The following COL5A2 variants were observed in gnomAD, a reference collection of about 807,000 sequenced individuals.
COL5A2 encodes the protein collagen type V alpha 2 chain.
COL5A2 carries 23 observed loss-of-function variants against 208.2 expected under a neutral mutation model. The observed-to-expected ratio is 0.11, with a 90% CI of 0.08 to 0.16. The LOEUF (loss-of-function observed/expected upper bound fraction) is 0.16. Ranked by LOEUF, COL5A2 falls within the 10% of genes least tolerant of loss-of-function variation. The probability of loss-of-function intolerance (pLI) is 1.00; values close to 1 mark genes in which losing one functional copy is unlikely to be tolerated. For synonymous variants in COL5A2, 625 were observed against 628.5 expected (o/e 0.99, Z 0.08); for missense variants, 1,590 against 1,956.4 (o/e 0.81, Z 3.53).
chr2:189,259,426 A>C, the COL5A2 span, among the ~76,000 whole-genome samples: 16 of 152,222 alleles, frequency 1.1e-4, no homozygotes, highest in Non-Finnish European at 1.8e-4. Flanking sequence ...TTTCCAAGAC[A>C]GCCTCAATTT....
the COL5A2 span, among the ~76,000 whole-genome samples, chr2:189,430,150 G>C: frequency 2.6e-5 from 4 of 152,062 alleles, no homozygotes; most frequent in African/African-American, 9.7e-5. Flanking sequence ...CAATTCTCCT[G>C]CCCAAGAATG....
rs188546088 is a variant in COL5A2, at chr2:189,047,936, C to T, written c.3201+273G>A. Among the ~76,000 whole-genome samples the T allele has an allele frequency of 6.6e-5, 10 of 152,296 alleles. No homozygotes were observed. The South Asian group carries it at 1.7e-3, about 25-fold the overall frequency. On this transcript the variant is annotated intron_variant, in intron 45 of 53. Coordinates refer to ENST00000374866, the MANE Select transcript of COL5A2 (RefSeq NM_000393.5). ...AATGAGTTTAAAATTTAGAACACTT[C>T]ATATATATCCTCATCCAAAGCCTTT...
chr2:189,039,528 C>T lies in COL5A2; in HGVS notation c.3669G>A (p.Pro1223=), dbSNP rs760353505. 22 of 1,613,708 alleles carry T rather than the reference C, an allele frequency of 1.4e-5. No individual in the cohort carries two copies. Among genetic ancestry groups the T allele is most frequent in the Admixed American group, 6.7e-5 (4 of 59,976 alleles). Residue 1223 remains proline, a synonymous_variant, in exon 51 of 54, where the codon CCG becomes CCA. Coordinates refer to ENST00000374866, the MANE Select transcript of COL5A2 (RefSeq NM_000393.5). The stretch of plus-strand genomic sequence containing the variant: ...CAGCTGTAAGGTGGCCAGGGGGACC[C>T]GGAGGGCCAGGTGGGCCAGGCTCAC... ...PPGEPGPPGP[P]GPPGHLTAAL...
chr2:189,415,010 C>CTTCT, the COL5A2 span, among the ~76,000 whole-genome samples: 68 of 152,130 alleles, frequency 4.5e-4, 1 homozygote, highest in African/African-American at 1.6e-3. Flanking sequence ...TAATAAGAAG[C>CTTCT]ATTAGTGAAC....
chr2:189,185,242 C>G (rs1688835778), intron 1 of COL5A2, among the ~76,000 whole-genome samples: 1 of 152,150 alleles, frequency 6.6e-6, no homozygotes, highest in African/African-American at 2.4e-5. Context: ...CCAGGCTGGT[C>G]TCAAACTCCT....
intron 12 of COL5A2, 114 bp from the exon 13 acceptor site, chr2:189,081,157 TAAG>T: frequency 2.5e-6 from 2 of 799,652 alleles, no homozygotes; most frequent in South Asian, 1.4e-5. Flanking sequence ...AGCAACATAT[TAAG>T]AAGAACAAAA....
At chr2:189,080,877 A>G in intron 13 of COL5A2, 113 bp downstream of exon 13, 2 of 863,730 alleles carry the variant, frequency 2.3e-6, no homozygotes, top group Non-Finnish European at 4.0e-6. Context: ...CTGCAACCAT[A>G]GACAGTTAAG....
At chr2:189,430,707 T>C in the COL5A2 span, among the ~76,000 whole-genome samples, 8 of 152,290 alleles carry the variant, frequency 5.3e-5, no homozygotes, top group Middle Eastern at 3.4e-3. Context: ...GGAGGCCCAC[T>C]GCAGCTCAGC....
upstream of COL5A2, among the ~76,000 whole-genome samples, chr2:189,184,753 C>T (rs974344423): frequency 1.4e-4 from 21 of 152,250 alleles, no homozygotes; most frequent in Middle Eastern, 6.8e-3. Context: ...CAAGTCCTTT[C>T]TGATGTGTAA....
chr2:189,282,371 T>G, the COL5A2 span, among the ~76,000 whole-genome samples: 1 of 152,160 alleles, frequency 6.6e-6, no homozygotes, highest in Non-Finnish European at 1.5e-5. Flanking sequence ...TCCCAGTGAC[T>G]GGAATGTTAG....
At chr2:189,295,540 G>A in the COL5A2 span, among the ~76,000 whole-genome samples, 3 of 152,116 alleles carry the variant, frequency 2.0e-5, no homozygotes, top group Admixed American at 1.3e-4. Context: ...ACTTGAACCC[G>A]GGAGGCAGAA....
At chr2:189,276,652 T>C in the COL5A2 span, among the ~76,000 whole-genome samples, 6 of 152,174 alleles carry the variant, frequency 3.9e-5, no homozygotes, top group Non-Finnish European at 7.3e-5. Context: ...GGCTCTAGCA[T>C]TTTAGAAATC....
At position 189,171,687 on chromosome 2, in the gene COL5A2, T is replaced by C. The variant is rs145754195; in HGVS notation, c.97+7821A>G. 3.0e-3 allele frequency among the ~76,000 whole-genome samples: 457 copies of C among 152,298 alleles called. 4 individuals carry two copies. The highest frequency in any genetic ancestry group is 0.01 in the African/African-American group (428 of 41,574). ...TTTGGATACACTGAATTTCATGTGG[T>C]TCTAGGCTGCCTTTGGGACAGCTGA... On this transcript the variant is annotated intron_variant, in intron 1 of 53. Transcript: ENST00000374866.
chr2:189,266,303 G>A, the COL5A2 span, among the ~76,000 whole-genome samples: 3 of 151,990 alleles, frequency 2.0e-5, no homozygotes, highest in East Asian at 3.9e-4. Flanking sequence ...GCACGCACCT[G>A]TAATCCCAGC....
chr2:189,054,066 A>G (rs1685848877), intron 36 of COL5A2, 93 bp downstream of exon 36: 1 of 1,391,662 alleles, frequency 7.2e-7, no homozygotes, highest in Non-Finnish European at 1.0e-6. Flanking sequence ...TCTTGCTCAG[A>G]TACCATATGT....
chr2:189,108,354 AT>A (rs1687192474), intron 2 of COL5A2, among the ~76,000 whole-genome samples: 1 of 151,868 alleles, frequency 6.6e-6, no homozygotes, highest in Non-Finnish European at 1.5e-5. Context: ...TAGCTTTTAT[AT>A]TTGAAGGAGA....
chr2:189,353,779 T>C, the COL5A2 span, among the ~76,000 whole-genome samples: 2 of 152,226 alleles, frequency 1.3e-5, no homozygotes, highest in Non-Finnish European at 2.9e-5. Context: ...ATACCGTTTT[T>C]TTCTTTCTAT....
At chr2:189,383,744 A>AT in the COL5A2 span, among the ~76,000 whole-genome samples, 1 of 152,054 alleles carries the variant, frequency 6.6e-6, no homozygotes, top group African/African-American at 2.4e-5. Context: ...AACATTTGTT[A>AT]TTTTTTGTGT....
chr2:189,432,760 T>C, the COL5A2 span, among the ~76,000 whole-genome samples: 1 of 152,102 alleles, frequency 6.6e-6, no homozygotes, highest in African/African-American at 2.4e-5. Context: ...CTCTCAATAT[T>C]AGACAGATCA....
Sources: allele counts gnomAD v4.1 joint callset (sites outside exome capture counted in the v4.1 genomes callset), GRCh38; gene constraint gnomAD v4.1.1; transcripts MANE v1.5; gene names NCBI Gene and HGNC (gene_info 2026-07-23, HGNC 2026-07-21).